SLC22A3: variants seen among roughly 807,000 people sequenced by gnomAD.
SLC22A3 encodes the protein solute carrier family 22 member 3, also known as EMT organic cation transporter 3.
Under a neutral mutation model 59.1 loss-of-function variants are expected in SLC22A3, and 51 were observed. That is an observed-to-expected ratio of 0.86 (90% CI 0.69 to 1.09). SLC22A3 has a LOEUF of 1.09. SLC22A3 is among the 50% of genes least tolerant of loss of function. The pLI is 0.00. For synonymous variants in SLC22A3, 325 were observed against 292.0 expected (o/e 1.11, Z -1.15); for missense variants, 711 against 726.3 (o/e 0.98, Z 0.24).
intron 2 of SLC22A3, 36 bp downstream of exon 2, chr6:160,398,118 T>C (rs768060994): frequency 1.4e-6 from 2 of 1,402,324 alleles, no homozygotes; most frequent in Admixed American, 1.7e-5. Context: ...TATGTCACTA[T>C]AATACCATGC....
At chr6:160,424,401 T>A (rs1787873816) in intron 5 of SLC22A3, among the ~76,000 whole-genome samples, 1 of 152,218 alleles carries the variant, frequency 6.6e-6, no homozygotes, top group Non-Finnish European at 1.5e-5. Context: ...AGAGCACAAT[T>A]CCTGTCATGT....
At chr6:160,361,696 A>C (rs544606881) in intron 1 of SLC22A3, among the ~76,000 whole-genome samples, 15 of 152,352 alleles carry the variant, frequency 9.8e-5, no homozygotes, top group African/African-American at 3.1e-4. Context: ...CTGGAGCTGC[A>C]GGATAGGAGA....
chr6:160,379,986 A>C (rs1477800331), intron 1 of SLC22A3, among the ~76,000 whole-genome samples: 1 of 152,162 alleles, frequency 6.6e-6, no homozygotes, highest in Admixed American at 6.5e-5. Flanking sequence ...AATCACTATA[A>C]TTAAACTGAG....
At chr6:160,419,936 G>A (rs1185164225) in intron 5 of SLC22A3, among the ~76,000 whole-genome samples, 1 of 152,132 alleles carries the variant, frequency 6.6e-6, no homozygotes, top group Non-Finnish European at 1.5e-5. Flanking sequence ...AAATGGATTT[G>A]TTTACTTTCC....
intron 1 of SLC22A3, among the ~76,000 whole-genome samples, chr6:160,394,124 T>C (rs1473682878): frequency 2.0e-5 from 3 of 152,232 alleles, no homozygotes; most frequent in African/African-American, 4.8e-5. Flanking sequence ...CTTAATGTTT[T>C]TGCATGTGTA....
At chr6:160,400,728 G>A (rs1341646495) in intron 2 of SLC22A3, among the ~76,000 whole-genome samples, 1 of 151,666 alleles carries the variant, frequency 6.6e-6, no homozygotes, top group East Asian at 1.9e-4. Context: ...ATATGGCAGG[G>A]ATGTTGGAAT....
At chr6:160,421,393 G>A (rs572141142) in intron 5 of SLC22A3, among the ~76,000 whole-genome samples, 3 of 152,296 alleles carry the variant, frequency 2.0e-5, no homozygotes, top group South Asian at 2.1e-4. Flanking sequence ...CAGGAGTTCC[G>A]AGCTTTGCGA....
At chr6:160,369,065 A>G (rs1435320019) in intron 1 of SLC22A3, among the ~76,000 whole-genome samples, 1 of 152,222 alleles carries the variant, frequency 6.6e-6, no homozygotes, top group African/African-American at 2.4e-5. Flanking sequence ...GTCAACTATC[A>G]TGTATTTCAT....
chr6:160,423,921 C>T (rs1175008148), intron 5 of SLC22A3, among the ~76,000 whole-genome samples: 1 of 152,140 alleles, frequency 6.6e-6, no homozygotes, highest in African/African-American at 2.4e-5. Flanking sequence ...AATGGTATTG[C>T]CTAGGTTTTC....
At chr6:160,432,678 G>A (rs569266695) in intron 5 of SLC22A3, among the ~76,000 whole-genome samples, 9 of 152,140 alleles carry the variant, frequency 5.9e-5, no homozygotes, top group African/African-American at 1.9e-4. Flanking sequence ...CGCCCGCCTT[G>A]GCCTCCCAAT....
chr6:160,373,851 C>A (rs1785491968), intron 1 of SLC22A3, among the ~76,000 whole-genome samples: 1 of 152,072 alleles, frequency 6.6e-6, no homozygotes, highest in Non-Finnish European at 1.5e-5. Flanking sequence ...TGATGGACAC[C>A]CCTCCCCCAC....
At chr6:160,404,175 C>G (rs1214154371) in intron 2 of SLC22A3, among the ~76,000 whole-genome samples, 1 of 139,276 alleles carries the variant, frequency 7.2e-6, no homozygotes, top group African/African-American at 2.8e-5. Context: ...TGTAGAAAAT[C>G]AAAAGAATTA....
intron 1 of SLC22A3, among the ~76,000 whole-genome samples, chr6:160,375,249 C>T (rs574586749): frequency 6.6e-6 from 1 of 152,338 alleles, no homozygotes; most frequent in South Asian, 2.1e-4. Flanking sequence ...AAATGCCCCA[C>T]AGGCTTTCAC....
chr6:160,377,450 A>T (rs562695411), intron 1 of SLC22A3, among the ~76,000 whole-genome samples: 8 of 151,284 alleles, frequency 5.3e-5, no homozygotes, highest in Admixed American at 4.6e-4. Flanking sequence ...ATGCCAACAC[A>T]CTCCAGCTGA....
intron 5 of SLC22A3, among the ~76,000 whole-genome samples, chr6:160,412,948 G>C (rs1787316775): frequency 6.6e-6 from 1 of 150,376 alleles, no homozygotes; most frequent in Non-Finnish European, 1.5e-5. Flanking sequence ...AATAAAGAAA[G>C]GAATATATAA....
At chr6:160,444,274 G>A (rs1788661850) in intron 9 of SLC22A3, among the ~76,000 whole-genome samples, 1 of 152,082 alleles carries the variant, frequency 6.6e-6, no homozygotes, top group Admixed American at 6.5e-5. Flanking sequence ...AGGATGCTGA[G>A]GCAGGAGGAT....
chr6:160,432,926 C>G (rs910816863), intron 5 of SLC22A3, among the ~76,000 whole-genome samples: 1 of 152,184 alleles, frequency 6.6e-6, no homozygotes, highest in South Asian at 2.1e-4. Context: ...ACTTCTTTCT[C>G]TCTGTAATAG....
chr6:160,355,892 G>A (rs1221244552), intron 1 of SLC22A3, among the ~76,000 whole-genome samples: 1 of 152,154 alleles, frequency 6.6e-6, no homozygotes, highest in African/African-American at 2.4e-5. Context: ...TCTACCCAGG[G>A]CTGGGCTTGG....
At chr6:160,380,914 C>T (rs143801923) in intron 1 of SLC22A3, among the ~76,000 whole-genome samples, 34 of 152,236 alleles carry the variant, frequency 2.2e-4, no homozygotes, top group African/African-American at 6.5e-4. Context: ...GCTTCTAGAG[C>T]GAACTGAACC....
Sources: gnomAD v4.1 joint callset for allele counts (sites outside exome capture counted in the v4.1 genomes callset) on GRCh38, gnomAD v4.1.1 for gene constraint, MANE v1.5 for transcripts, NCBI Gene and HGNC (gene_info 2026-07-23, HGNC 2026-07-21) for gene names.